The following DUSP10 variants were observed in gnomAD, a reference collection of about 807,000 sequenced individuals.
The protein encoded by DUSP10 is dual specificity phosphatase 10, also known as dual specificity protein phosphatase 10.
Under a neutral mutation model 30.8 loss-of-function variants are expected in DUSP10, and 14 were observed. The ratio of observed to expected loss-of-function variants is 0.46; its 90% confidence interval spans 0.30 to 0.71. DUSP10 has a LOEUF of 0.71. Among genes scored for constraint, DUSP10 ranks in the 30% least tolerant of loss-of-function variants. The pLI, the probability that DUSP10 is intolerant of heterozygous loss-of-function variation, is 0.08. For synonymous variants in DUSP10, 254 were observed against 250.4 expected, an observed-to-expected ratio of 1.01 and a Z score of -0.14; for missense variants, 550 against 619.4, an observed-to-expected ratio of 0.89 and a Z score of 1.19.
chr1:221,718,973 C>A (rs1014295152), intron 2 of DUSP10, among the ~76,000 whole-genome samples: 5 of 152,158 alleles, frequency 3.3e-5, no homozygotes, highest in South Asian at 2.1e-4. Context: ...GTAAGCAAGA[C>A]AAAGTTACAC....
intron 2 of DUSP10, among the ~76,000 whole-genome samples, chr1:221,721,270 T>C (rs1024906355): frequency 3.3e-5 from 5 of 152,362 alleles, no homozygotes; most frequent in Admixed American, 3.3e-4. Flanking sequence ...TTGTAAAGCA[T>C]CTATTATATG....
chr1:221,717,474 G>A (rs890686510), intron 2 of DUSP10, among the ~76,000 whole-genome samples: 1 of 151,896 alleles, frequency 6.6e-6, no homozygotes, highest in African/African-American at 2.4e-5. Context: ...GAGAGAGAGA[G>A]AGAGAACGCA....
In DUSP10 at chr1:221,704,115, C is replaced by T. The variant is rs1037504478; in HGVS notation, c.1184-1438G>A. Among the ~76,000 whole-genome samples, 9 of 152,160 alleles carry T rather than the reference C, an allele frequency of 5.9e-5. No homozygotes were observed. In the East Asian group the frequency reaches 1.7e-3, roughly 29 times the overall value. On this transcript the variant is annotated intron_variant, in intron 3 of 3. Transcript: ENST00000366899. Reference sequence around the variant, plus strand: ...TAAATAAACTGGTATAAACACTAAACTTAGATGCTGCTCAGCTTATATTAC... The same window carrying T: ...TAAATAAACTGGTATAAACACTAAATTTAGATGCTGCTCAGCTTATATTAC...
chr1:221,711,145 G>A (rs1660924696), intron 2 of DUSP10, among the ~76,000 whole-genome samples: 1 of 152,178 alleles, frequency 6.6e-6, no homozygotes, highest in Middle Eastern at 3.2e-3. Flanking sequence ...TGAAGCAATG[G>A]ATTCTAGTTT....
Position 221,739,642 on chromosome 1 carries a change from C to T in DUSP10, c.103G>A (p.Ala35Thr), listed in dbSNP as rs1379227642. ...LCLDSSYLGS[A>T]NPGSNSHPPV... is the part of the protein sequence containing the mutation. Reference sequence around the variant, plus strand: ...GGGTGGCTGTTACTGCCTGGGTTGGCAGAGCCAAGGTAACTAGAGTCTAAA... The same window carrying T: ...GGGTGGCTGTTACTGCCTGGGTTGGTAGAGCCAAGGTAACTAGAGTCTAAA... Residue 35 changes from alanine (A) to threonine (T), a missense_variant, in exon 2 of 4, where the codon GCC becomes ACC. By Grantham distance (58) the Ala-to-Thr change is moderately conservative. Coordinates refer to ENST00000366899, the MANE Select transcript of DUSP10 (RefSeq NM_007207.6). 4 of 1,614,130 alleles carry T rather than the reference C, an allele frequency of 2.5e-6. No homozygotes were observed. The highest frequency in any genetic ancestry group is 3.4e-6 in the Non-Finnish European group (4 of 1,180,014).
chr1:221,725,976 T>C (rs1157446051), intron 2 of DUSP10, among the ~76,000 whole-genome samples: 3 of 152,248 alleles, frequency 2.0e-5, no homozygotes, highest in African/African-American at 7.2e-5. Flanking sequence ...GAGTGGTGCT[T>C]CCTCATGTCC....
Position 221,702,093 on chromosome 1 carries a change from A to G in DUSP10, c.*319T>C, listed in dbSNP as rs1660622736. The G allele has an allele frequency of 3.4e-6, 1 of 294,240 alleles. No homozygotes were observed. The highest frequency in any genetic ancestry group is 6.5e-6 in the Non-Finnish European group (1 of 154,880). The allele number at this position is 294,240 out of a possible 1,614,324, so 18.2% of individuals were successfully genotyped here. A position where few individuals can be genotyped will look rare whatever the true frequency, so the allele number is the denominator to read the frequency against. On this transcript the variant is annotated 3_prime_UTR_variant, in exon 4 of 4. Coordinates refer to ENST00000366899, the MANE Select transcript of DUSP10 (RefSeq NM_007207.6). This position sits in a 1 kb window ranked among gnomAD's most constrained non-coding sequence, Gnocchi z 4.5. ...ATCTTCGGTCTATGAACCTGCACAG[A>G]CTATTTAGTCATAAACTCTACAAAT...
chr1:221,733,250 T>C (rs906167598), intron 2 of DUSP10, among the ~76,000 whole-genome samples: 2 of 152,210 alleles, frequency 1.3e-5, no homozygotes, highest in African/African-American at 2.4e-5. Flanking sequence ...GACCTTCAGA[T>C]GGGTTTGCCT....
chr1:221,729,978 T>C (rs1661535141), intron 2 of DUSP10, among the ~76,000 whole-genome samples: 1 of 152,196 alleles, frequency 6.6e-6, no homozygotes, highest in African/African-American at 2.4e-5. Context: ...CAGTCTTCAA[T>C]ACTGGAGCCC....
At chr1:221,721,251 A>G (rs576014596) in intron 2 of DUSP10, among the ~76,000 whole-genome samples, 1 of 152,332 alleles carries the variant, frequency 6.6e-6, no homozygotes, top group African/African-American at 2.4e-5. Flanking sequence ...ATGAGATAGG[A>G]CCAGTTTATT....
intron 2 of DUSP10, among the ~76,000 whole-genome samples, chr1:221,724,972 A>T (rs1313036388): frequency 6.6e-6 from 1 of 152,234 alleles, no homozygotes; most frequent in Non-Finnish European, 1.5e-5. Context: ...CCACGACAAT[A>T]GCTTTGAATG....
intron 1 of DUSP10, among the ~76,000 whole-genome samples, chr1:221,741,158 G>T (rs1171336485): frequency 6.6e-6 from 1 of 152,160 alleles, no homozygotes; most frequent in Non-Finnish European, 1.5e-5. Context: ...CAACGACTCG[G>T]GTTTCTCTCA....
chr1:221,730,172 G>A (rs1661540371), intron 2 of DUSP10, among the ~76,000 whole-genome samples: 2 of 152,104 alleles, frequency 1.3e-5, no homozygotes, highest in African/African-American at 4.8e-5. Context: ...GCTCAGGGCT[G>A]TGATACAAAG....
At position 221,702,751 on chromosome 1, in the gene DUSP10, C is replaced by T. The variant is rs965175936; in HGVS notation, c.1184-74G>A. ...GGCACGGAGAGAGAAACTTTCATCTCAACTTTGCAATGCCTTATTTTGTAT... is the reference window on the plus strand; with the variant it reads ...GGCACGGAGAGAGAAACTTTCATCTTAACTTTGCAATGCCTTATTTTGTAT... On this transcript the variant is annotated intron_variant, in intron 3 of 3. Coordinates refer to ENST00000366899, the MANE Select transcript of DUSP10 (RefSeq NM_007207.6). The surrounding 1 kb of genome is among the most constrained non-coding windows in gnomAD (Gnocchi z 4.5). 2 of 1,482,716 alleles carry T rather than the reference C, an allele frequency of 1.3e-6. No homozygotes were observed. Among genetic ancestry groups the T allele is most frequent in the African/African-American group, 2.8e-5 (2 of 71,542 alleles). The allele number at this position is 1,482,716 out of a possible 1,614,324, so 91.8% of individuals were successfully genotyped here. A position where few individuals can be genotyped will look rare whatever the true frequency, so the allele number is the denominator to read the frequency against.
chr1:221,729,763 T>A (rs530700696), intron 2 of DUSP10, among the ~76,000 whole-genome samples: 180 of 152,302 alleles, frequency 1.2e-3, no homozygotes, highest in African/African-American at 4.0e-3. Flanking sequence ...TGCTGGCAGA[T>A]TAAAATATCA....
chr1:221,732,167 A>G (rs925489226), intron 2 of DUSP10, among the ~76,000 whole-genome samples: 1 of 152,240 alleles, frequency 6.6e-6, no homozygotes, highest in Non-Finnish European at 1.5e-5. Context: ...AGCACACCAA[A>G]GGCATTCAAC....
chr1:221,735,967 AT>A (rs1168189750), intron 2 of DUSP10, among the ~76,000 whole-genome samples: 1 of 152,246 alleles, frequency 6.6e-6, no homozygotes, highest in African/African-American at 2.4e-5. Flanking sequence ...ATTCATTTGG[AT>A]CATTTTCACC....
At chr1:221,704,338 G>C (rs1286670571) in intron 3 of DUSP10, among the ~76,000 whole-genome samples, 1 of 146,960 alleles carries the variant, frequency 6.8e-6, no homozygotes, top group African/African-American at 2.5e-5. Flanking sequence ...AAAAAAGGCA[G>C]GTAAGCCTGA....
intron 2 of DUSP10, among the ~76,000 whole-genome samples, chr1:221,733,649 C>T (rs1388604102): frequency 6.6e-6 from 1 of 152,210 alleles, no homozygotes; most frequent in Admixed American, 6.5e-5. Context: ...TGACAGCCAT[C>T]AAATGCCAGG....
Sources: allele counts gnomAD v4.1 joint callset (sites outside exome capture counted in the v4.1 genomes callset), GRCh38; gene constraint gnomAD v4.1.1; non-coding constraint Gnocchi (gnomAD v3.1); transcripts MANE v1.5; gene names NCBI Gene and HGNC (gene_info 2026-07-23, HGNC 2026-07-21).